The following DUSP4 variants were observed in gnomAD, a reference collection of about 807,000 sequenced individuals.
DUSP4 encodes dual specificity protein phosphatase 4.
DUSP4 carries 12 observed loss-of-function variants against 27.2 expected under a neutral mutation model. That is an observed-to-expected ratio of 0.44 (90% confidence interval 0.28 to 0.71). DUSP4 has a LOEUF of 0.71. DUSP4 is among the 30% of genes least tolerant of loss of function. DUSP4 has a pLI of 0.14. For synonymous variants in DUSP4, 257 were observed against 245.2 expected (o/e 1.05, Z -0.45); for missense variants, 448 against 551.3 (o/e 0.81, Z 1.88).
chr8:29,344,529 A>G (rs925826719), intron 1 of DUSP4, among the ~76,000 whole-genome samples: 2 of 152,138 alleles, frequency 1.3e-5, no homozygotes, highest in Non-Finnish European at 2.9e-5. Context: ...GAAAGTCTGG[A>G]AGAAAAAAAG....
At chr8:29,338,174 C>G in intron 3 of DUSP4, 108 bp downstream of exon 3, 1 of 1,140,088 alleles carries the variant, frequency 8.8e-7, no homozygotes, top group African/African-American at 1.5e-5. Flanking sequence ...GAATGGGGAC[C>G]CTTGGATTCA....
At chr8:29,347,971 A>C in intron 1 of DUSP4, 1 of 985,488 alleles carries the variant, frequency 1.0e-6, no homozygotes, top group Non-Finnish European at 1.2e-6. Flanking sequence ...TCTCCCCGGG[A>C]GCGGGGCCTA....
At chr8:29,339,410 G>A (rs1817623485) in intron 2 of DUSP4, among the ~76,000 whole-genome samples, 1 of 152,140 alleles carries the variant, frequency 6.6e-6, no homozygotes, top group African/African-American at 2.4e-5. Context: ...GCTGATACGT[G>A]GGAGCAGCCT....
rs1162198572 is a variant in DUSP4, at chr8:29,336,185, A to C, written c.*841T>G. ...GCTTCTCAAGATGAGCCTTGGCAAC[A>C]TAGTGAGATGCTGTCTTTTTCTTTT... On this transcript the variant is annotated 3_prime_UTR_variant, in exon 4 of 4. Coordinates refer to ENST00000240100, the MANE Select transcript of DUSP4 (RefSeq NM_001394.7). 7.1e-6 allele frequency: 1 copy of C among 141,318 alleles called. No homozygotes were observed. The highest frequency in any genetic ancestry group is 1.5e-5 in the Non-Finnish European group (1 of 66,594). 8.8% of individuals were successfully genotyped at this position (141,318 alleles called of 1,614,324 possible).
rs574425126 is a variant in DUSP4 at position 29,336,803 on chromosome 8, C to G, written c.*223G>C. The stretch of plus-strand genomic sequence containing the variant: ...AAACCAAGGTCTTCCCTGGCTGCTG[C>G]GGCAGCCGTTATTGCTCTAAGTTGG... On this transcript the variant is annotated 3_prime_UTR_variant, in exon 4 of 4. Coordinates refer to ENST00000240100, the MANE Select transcript of DUSP4 (RefSeq NM_001394.7). 7 of 554,966 alleles carry G rather than the reference C, an allele frequency of 1.3e-5. No homozygotes were observed. Among genetic ancestry groups the G allele is most frequent in the African/African-American group, 1.2e-4 (6 of 50,984 alleles). 34.4% of individuals were successfully genotyped at this position (554,966 alleles called of 1,614,324 possible).
Position 29,337,897 on chromosome 8 carries a change from G to A in DUSP4, c.799+385C>T, listed in dbSNP as rs1424557762. On this transcript the variant is annotated intron_variant, in intron 3 of 3. Coordinates refer to ENST00000240100, the MANE Select transcript of DUSP4 (RefSeq NM_001394.7). This position sits in a 1 kb window ranked among gnomAD's most constrained non-coding sequence, Gnocchi z 6.4. Reference sequence around the variant, plus strand: ...ACCCCAGAAGCGGAGGTTGCAGTGAGCTGAGATGGCGCCACTGCACTCCAG... The same window carrying A: ...ACCCCAGAAGCGGAGGTTGCAGTGAACTGAGATGGCGCCACTGCACTCCAG... Among the ~76,000 whole-genome samples the A allele has an allele frequency of 6.6e-6, 1 of 152,212 alleles. No individual in the cohort carries two copies. Among genetic ancestry groups the A allele is most frequent in the Non-Finnish European group, 1.5e-5 (1 of 68,036 alleles).
chr8:29,346,001 A>G (rs1817729389), intron 1 of DUSP4: 8 of 990,274 alleles, frequency 8.1e-6, no homozygotes, highest in Non-Finnish European at 9.6e-6. Context: ...TGCAATATTG[A>G]CATCCCCCAG....
At position 29,334,147 on chromosome 8, in the gene DUSP4, AC is replaced by A. The variant is rs1817535882; in HGVS notation, c.*2878del. On this transcript the variant is annotated 3_prime_UTR_variant, in exon 4 of 4. Coordinates refer to ENST00000240100, the MANE Select transcript of DUSP4 (RefSeq NM_001394.7). ...GGGAATAGGCAGCATTCCTCACTCT[AC>A]AGAACACCCAATGAGCATCCTGTCT... 1 of 152,142 alleles carries A rather than the reference AC, an allele frequency of 6.6e-6. No individual in the cohort carries two copies. The highest frequency in any genetic ancestry group is 6.5e-5 in the Admixed American group (1 of 15,280). 9.4% of individuals were successfully genotyped at this position (152,142 alleles called of 1,614,324 possible).
intron 1 of DUSP4, among the ~76,000 whole-genome samples, chr8:29,344,483 T>C (rs375356734): frequency 7.2e-5 from 11 of 152,358 alleles, no homozygotes; most frequent in South Asian, 4.1e-4. Context: ...TTTCTATTCC[T>C]AAATCTCTCA....
intron 1 of DUSP4, chr8:29,345,396 G>T: frequency 1.9e-6 from 3 of 1,613,774 alleles, no homozygotes; most frequent in Non-Finnish European, 2.5e-6. Flanking sequence ...CAGACACCTG[G>T]ACCTTCCTGC....
intron 1 of DUSP4, among the ~76,000 whole-genome samples, chr8:29,341,020 G>A (rs933078210): frequency 6.6e-6 from 1 of 152,214 alleles, no homozygotes; most frequent in Non-Finnish European, 1.5e-5. Flanking sequence ...GTGGGATACA[G>A]GGAGAGGCCA....
chr8:29,348,346 G>A (rs1817765731), intron 1 of DUSP4: 1 of 985,680 alleles, frequency 1.0e-6, no homozygotes, highest in Non-Finnish European at 1.2e-6. Context: ...GGCCTAACCA[G>A]GACCTGGCCC....
chr8:29,333,691 G>T lies in DUSP4; in HGVS notation c.*3335C>A, dbSNP rs1817528455. 1 of 152,342 alleles carries T rather than the reference G, an allele frequency of 6.6e-6. No individual in the cohort carries two copies. The highest frequency in any genetic ancestry group is 6.5e-5 in the Admixed American group (1 of 15,288). 9.4% of individuals were successfully genotyped at this position (152,342 alleles called of 1,614,324 possible). On this transcript the variant is annotated 3_prime_UTR_variant, in exon 4 of 4. Coordinates refer to ENST00000240100, the MANE Select transcript of DUSP4 (RefSeq NM_001394.7). The stretch of plus-strand genomic sequence containing the variant: ...CGGCTGCACAGGGAAAACACCCGGG[G>T]AGCTACGAAACACACTGATGCCTGA...
Position 29,336,202 on chromosome 8 carries a change from TTTTC to T in DUSP4, c.*820_*823del, listed in dbSNP as rs1159077167. 1 of 152,064 alleles carries T rather than the reference TTTTC, an allele frequency of 6.6e-6. No individual in the cohort carries two copies. Among genetic ancestry groups the T allele is most frequent in the Non-Finnish European group, 1.5e-5 (1 of 68,010 alleles). The allele number at this position is 152,064 out of a possible 1,614,324, so 9.4% of individuals were successfully genotyped here. On this transcript the variant is annotated 3_prime_UTR_variant, in exon 4 of 4. Transcript: ENST00000240100. ...TTGGCAACATAGTGAGATGCTGTCTTTTTCTTTTCTTTTTTTTTTAAAAAGCAAT... is the reference window on the plus strand; with the variant it reads ...TTGGCAACATAGTGAGATGCTGTCTTTTTTCTTTTTTTTTTAAAAAGCAAT...
At chr8:29,339,708 T>C (rs542992913) in intron 2 of DUSP4, among the ~76,000 whole-genome samples, 3 of 151,938 alleles carry the variant, frequency 2.0e-5, no homozygotes, top group South Asian at 2.1e-4. Flanking sequence ...TTCAAAGACT[T>C]AAAAAAATCT....
chr8:29,337,132 G>A lies in DUSP4; in HGVS notation c.1079C>T (p.Pro360Leu). 6.2e-7 allele frequency: 1 copy of A among 1,610,908 alleles called. No individual in the cohort carries two copies. Among genetic ancestry groups the A allele is most frequent in the Middle Eastern group, 1.7e-4 (1 of 6,058 alleles). ...LRERGKTPAT[P>L]TSQFVFSFPV... ...AAAGCTGAAGACGAACTGCGAGGTG[G>A]GGGTGGCGGGGGTCTTGCCCCGCTC... The change falls in exon 4 of 4, where the codon CCC (proline) becomes CTC (leucine). Residue 360 changes from proline to leucine, a missense_variant. By Grantham distance (98) the Pro-to-Leu change is moderately conservative. Around this residue, in one of 3 missense-constraint regions of DUSP4, gnomAD observed 100 missense variants for 139.8 expected, o/e 0.72. Coordinates refer to ENST00000240100, the MANE Select transcript of DUSP4 (RefSeq NM_001394.7). The surrounding 1 kb of genome is among the most constrained non-coding windows in gnomAD (Gnocchi z 6.4).
At chr8:29,346,437 G>A (rs374219775) in intron 1 of DUSP4, among the ~76,000 whole-genome samples, 1 of 152,200 alleles carries the variant, frequency 6.6e-6, no homozygotes, top group African/African-American at 2.4e-5. Flanking sequence ...TAAAGGCAAA[G>A]AATAGGGTAA....
intron 1 of DUSP4, among the ~76,000 whole-genome samples, chr8:29,341,894 T>C (rs967613306): frequency 6.6e-6 from 1 of 152,204 alleles, no homozygotes; most frequent in Admixed American, 6.5e-5. Flanking sequence ...GGTTGATCAC[T>C]TGTATCCCAA....
intron 1 of DUSP4, chr8:29,345,915 T>C (rs1321993352): frequency 2.9e-6 from 2 of 678,976 alleles, no homozygotes; most frequent in Non-Finnish European, 3.4e-6. Context: ...ATGGGCATTG[T>C]ATTACATTTG....
Sources: gnomAD v4.1 joint callset for allele counts (sites outside exome capture counted in the v4.1 genomes callset) on GRCh38, gnomAD v4.1.1 for gene constraint, gnomAD v4.1.1 regional missense constraint, Gnocchi (gnomAD v3.1) non-coding constraint, MANE v1.5 for transcripts, NCBI Gene and HGNC (gene_info 2026-07-23, HGNC 2026-07-21) for gene names.